Variants in CRAT observed in about 807,000 individuals in gnomAD.
CRAT encodes carnitine acetylase.
In CRAT, 66 loss-of-function variants were observed where a neutral mutation model predicts 73.7. The observed-to-expected ratio is 0.90, with a 90% confidence interval of 0.73 to 1.10. The LOEUF is 1.10. Among genes scored for constraint, CRAT ranks in the 50% least tolerant of loss-of-function variants. The pLI, the probability that CRAT is intolerant of heterozygous loss-of-function variation, is 0.00. For missense variants in CRAT, 745 were observed against 846.9 expected, an observed-to-expected ratio of 0.88 and a Z score of 1.49; for synonymous variants, 321 against 343.2, an observed-to-expected ratio of 0.94 and a Z score of 0.71.
In CRAT at chr9:129,103,272, C is replaced by T. The variant is rs1322043186; in HGVS notation, c.411-206G>A. Among the ~76,000 whole-genome samples the T allele has an allele frequency of 6.6e-6, 1 of 152,080 alleles. No individual in the cohort carries two copies. The highest frequency in any genetic ancestry group is 1.5e-5 in the Non-Finnish European group (1 of 68,014). ...TCATAACCTCTAGAGGGAGCATGGT[C>T]GGGAGGGCTCGGGGAAGTGCTGGTG... On this transcript the variant is annotated intron_variant, in intron 3 of 13. Coordinates refer to ENST00000318080, the MANE Select transcript of CRAT (RefSeq NM_000755.5). This position sits in a 1 kb window ranked among gnomAD's most constrained non-coding sequence, Gnocchi z 4.6.
Position 129,095,543 on chromosome 9 carries a change from T to C in CRAT, c.1735A>G (p.Asn579Asp). Reference sequence around the variant, plus strand: ...AAGTTGATGTGGGCCTCCATGGGGTTATAGCAGACACCGTAGCCGTCGGGG... The same window carrying C: ...AAGTTGATGTGGGCCTCCATGGGGTCATAGCAGACACCGTAGCCGTCGGGG... ...VVPDGYGVCY[N>D]PMEAHINFSL... The change falls in exon 14 of 14, where the codon AAC becomes GAC. Residue 579 changes from asparagine to aspartate, a missense_variant. Transcript: ENST00000318080. 6.2e-7 allele frequency: 1 copy of C among 1,613,468 alleles called. No individual in the cohort carries two copies. The highest frequency in any genetic ancestry group is 8.5e-7 in the Non-Finnish European group (1 of 1,179,988).
intron 6 of CRAT, among the ~76,000 whole-genome samples, chr9:129,101,398 T>G (rs1176863057): frequency 6.6e-6 from 1 of 152,216 alleles, no homozygotes; most frequent in African/African-American, 2.4e-5. Context: ...TGCCATCATG[T>G]TCCCATGCTC....
chr9:129,098,572 C>T lies in CRAT; in HGVS notation c.1164G>A (p.Glu388=). ...TGGCCTTCTCGATGTCGCTCTTGATCTCGGGGGTGATGTTGAACCGCAGCT... is the reference window on the plus strand; with the variant it reads ...TGGCCTTCTCGATGTCGCTCTTGATTTCGGGGGTGATGTTGAACCGCAGCT... ...PKKLRFNITP[E]IKSDIEKAKQ... Residue 388 remains glutamate (E), a synonymous_variant, in exon 9 of 14, where the codon GAG becomes GAA. Coordinates refer to ENST00000318080, the MANE Select transcript of CRAT (RefSeq NM_000755.5). The T allele has an allele frequency of 6.2e-7, 1 of 1,602,662 alleles. No individual in the cohort carries two copies. The highest frequency in any genetic ancestry group is 8.5e-7 in the Non-Finnish European group (1 of 1,177,028).
Position 129,102,540 on chromosome 9 carries a change from C to A in CRAT, c.490G>T (p.Gly164Trp), listed in dbSNP as rs765377737. The A allele has an allele frequency of 9.9e-6, 16 of 1,613,978 alleles. No homozygotes were observed. The East Asian group carries it at 2.2e-4, about 22-fold the overall frequency. Residue 164 changes from glycine to tryptophan, a missense_variant, in exon 5 of 14, where the codon GGG becomes TGG. Transcript: ENST00000318080. ...DNETLPVEYL[G>W]GKPLCMNQYY... ...TGGTTCATGCACAGTGGCTTCCCCC[C>A]CAGGTACTCCACGGGCAGGGTCTCG...
chr9:129,108,475 C>T, intron 1 of CRAT: 2 of 1,164,590 alleles, frequency 1.7e-6, no homozygotes, highest in Non-Finnish European at 2.1e-6. Context: ...CCTTTTCTCC[C>T]ACCCTTTCCA....
chr9:129,110,349 C>T lies in CRAT; in HGVS notation c.27+134G>A, dbSNP rs1848340258. 3.2e-6 allele frequency: 3 copies of T among 934,664 alleles called. No homozygotes were observed. The highest frequency in any genetic ancestry group is 4.5e-6 in the Non-Finnish European group (3 of 665,970). 57.9% of individuals were successfully genotyped at this position (934,664 alleles called of 1,614,324 possible). On this transcript the variant is annotated intron_variant, in intron 1 of 13. Coordinates refer to ENST00000318080, the MANE Select transcript of CRAT (RefSeq NM_000755.5). The surrounding 1 kb of genome is among the most constrained non-coding windows in gnomAD (Gnocchi z 5.3). ...TCCTGCTCTGCCAAACCTGGGACGC[C>T]CGCCTGACCCCACCCCATCAGCTGG...
intron 12 of CRAT, 56 bp from the exon 13 acceptor site, chr9:129,096,191 T>TG: frequency 1.2e-6 from 2 of 1,603,144 alleles, no homozygotes; most frequent in Non-Finnish European, 1.7e-6. Context: ...GGGGTATCCC[T>TG]GCCCTCTTCA....
Position 129,101,971 on chromosome 9 carries a change from TGA to T in CRAT, c.715_716del (p.Ser239IlefsTer214), listed in dbSNP as rs751974850. 7.4e-6 allele frequency: 12 copies of T among 1,614,198 alleles called. No individual in the cohort carries two copies. Among genetic ancestry groups the T allele is most frequent in the Non-Finnish European group, 1.0e-5 (12 of 1,180,024 alleles). On this transcript the variant is annotated frameshift_variant, in exon 6 of 14. Transcript: ENST00000318080. LOFTEE classifies it high-confidence loss of function. Reference protein sequence around the residue: ...IFVQLEKIWNSSLQTNKEPVG... With the variant: ...IFVQLEKIWNXSLQTNKEPVG... ...CAGGCTCCTTGTTGGTCTGTAGGGA[TGA>T]GTTCCAGATCTTCTCCAGCTGCACA...
In CRAT at chr9:129,099,900, T is replaced by C. The variant is rs1554725148; in HGVS notation, c.1051A>G (p.Ile351Val). Residue 351 changes from isoleucine (I) to valine (V), a missense_variant, in exon 8 of 14, where the codon ATT becomes GTT. Ile to Val is a conservative substitution (Grantham distance 29). Transcript: ENST00000318080. ...ATGACATAGTCCAGAAGGGTGACAA[T>C]AGGGGGCCCCTCCGCTGCAGCATGC... ...YEHAAAEGPP[I>V]VTLLDYVIEY... 1.8e-5 allele frequency: 29 copies of C among 1,613,534 alleles called. No individual in the cohort carries two copies. Among genetic ancestry groups the C allele is most frequent in the Middle Eastern group, 1.6e-4 (1 of 6,084 alleles).
chr9:129,107,568 C>A lies in CRAT; in HGVS notation c.291+246G>T. On this transcript the variant is annotated intron_variant, in intron 2 of 13. Coordinates refer to ENST00000318080, the MANE Select transcript of CRAT (RefSeq NM_000755.5). This position sits in a 1 kb window ranked among gnomAD's most constrained non-coding sequence, Gnocchi z 5.0. ...CCCCACTCCTGCCTCTGTCCTGGAACATGAAACCTTGTCCACAACCTGTAT... is the reference window on the plus strand; with the variant it reads ...CCCCACTCCTGCCTCTGTCCTGGAAAATGAAACCTTGTCCACAACCTGTAT... 1.5e-6 allele frequency: 1 copy of A among 686,504 alleles called. No homozygotes were observed. Among genetic ancestry groups the A allele is most frequent in the Non-Finnish European group, 2.7e-6 (1 of 374,586 alleles). 42.5% of individuals were successfully genotyped at this position (686,504 alleles called of 1,614,324 possible).
intron 2 of CRAT, among the ~76,000 whole-genome samples, chr9:129,104,651 C>T (rs1018726472): frequency 6.6e-6 from 1 of 151,350 alleles, no homozygotes; most frequent in African/African-American, 2.4e-5. Flanking sequence ...GTCATGCAGG[C>T]TGGAGTGCAG....
intron 1 of CRAT, chr9:129,108,363 G>A (rs1848151954): frequency 8.1e-7 from 1 of 1,232,982 alleles, no homozygotes; most frequent in Admixed American, 4.0e-5. Context: ...CAGAGGTGAG[G>A]GGGACCGCCC....
rs1848178666 is a variant in CRAT, at chr9:129,108,764, T to G, written c.28-687A>C. On this transcript the variant is annotated intron_variant, in intron 1 of 13. Transcript: ENST00000318080. ...AGTGGCAGGAGCTCTGTTCCATACC[T>G]TCTCTCTCTGCTGCCCGTCCTCCTC... 2.3e-6 allele frequency: 3 copies of G among 1,304,204 alleles called. No homozygotes were observed. In the African/African-American group the frequency reaches 4.5e-5, roughly 20 times the overall value. 80.8% of individuals were successfully genotyped at this position (1,304,204 alleles called of 1,614,324 possible).
chr9:129,102,139 C>T (rs1400444713), intron 5 of CRAT, 82 bp from the exon 6 acceptor site: 7 of 1,478,774 alleles, frequency 4.7e-6, no homozygotes, highest in Admixed American at 4.0e-5. Context: ...CACCTGCCTC[C>T]TCCTGGCCTT....
At chr9:129,102,092 G>C (rs772485915) in intron 5 of CRAT, 35 bp from the exon 6 acceptor site, 1 of 1,602,908 alleles carries the variant, frequency 6.2e-7, no homozygotes, top group South Asian at 1.1e-5. Flanking sequence ...GGAGGGAGCT[G>C]AGTGGGGACC....
chr9:129,109,389 T>A, intron 1 of CRAT: 1 of 772,894 alleles, frequency 1.3e-6, no homozygotes, highest in Non-Finnish European at 1.9e-6. Flanking sequence ...CTGGGACCCA[T>A]CTGAGCCATC....
rs1451296188 is a variant in CRAT, at chr9:129,103,122, G to T, written c.411-56C>A. On this transcript the variant is annotated intron_variant, in intron 3 of 13. Transcript: ENST00000318080. This position sits in a 1 kb window ranked among gnomAD's most constrained non-coding sequence, Gnocchi z 4.6. Reference sequence around the variant, plus strand: ...CGTGGACACCCTGAGGGAGGCCCCGGGCTAGGGACACCTGCTTGGGGAGCG... The same window carrying T: ...CGTGGACACCCTGAGGGAGGCCCCGTGCTAGGGACACCTGCTTGGGGAGCG... 8.2e-6 allele frequency: 12 copies of T among 1,467,024 alleles called. No homozygotes were observed. Among genetic ancestry groups the T allele is most frequent in the Non-Finnish European group, 1.1e-5 (11 of 1,046,346 alleles). The allele number at this position is 1,467,024 out of a possible 1,614,324, so 90.9% of individuals were successfully genotyped here. A position where few individuals can be genotyped will look rare whatever the true frequency, so the allele number is the denominator to read the frequency against.
intron 8 of CRAT, among the ~76,000 whole-genome samples, chr9:129,099,134 G>A (rs572321714): frequency 6.6e-4 from 96 of 146,324 alleles, no homozygotes; most frequent in African/African-American, 2.2e-3. Flanking sequence ...ACCACCACGC[G>A]TGGCTAACTT....
At chr9:129,108,583 T>A in intron 1 of CRAT, 2 of 1,057,154 alleles carry the variant, frequency 1.9e-6, no homozygotes, top group Non-Finnish European at 2.4e-6. Flanking sequence ...GCCTTTGAGA[T>A]GGGGCAGGGG....
Sources: gnomAD v4.1 joint callset for allele counts (sites outside exome capture counted in the v4.1 genomes callset) on GRCh38, gnomAD v4.1.1 for gene constraint, Gnocchi (gnomAD v3.1) non-coding constraint, MANE v1.5 for transcripts, NCBI Gene and HGNC (gene_info 2026-07-23, HGNC 2026-07-21) for gene names.